GABRG1: variants seen among roughly 807,000 people sequenced by gnomAD.
The protein encoded by GABRG1 is gamma-aminobutyric acid receptor subunit gamma-1.
Under a neutral mutation model 49.8 loss-of-function variants are expected in GABRG1, and 49 were observed. The ratio of observed to expected loss-of-function variants is 0.98; its 90% CI spans 0.78 to 1.25. GABRG1 has a LOEUF of 1.25. Among genes scored for constraint, GABRG1 ranks in the 50% most tolerant of loss-of-function variants. GABRG1 has a pLI of 0.00. For missense variants in GABRG1, 552 were observed against 552.3 expected (o/e 1.00, Z 0.01); for synonymous variants, 232 against 185.1 (o/e 1.25, Z -2.06).
intron 1 of GABRG1, among the ~76,000 whole-genome samples, chr4:46,115,448 A>G (rs1720853817): frequency 6.6e-6 from 1 of 150,788 alleles, no homozygotes; most frequent in Non-Finnish European, 1.5e-5. Context: ...GCATTAGGGA[A>G]AATCATTTTT....
rs563253797 is a variant in GABRG1, at chr4:46,037,536, T to C, written c.*3452A>G. 5 of 151,842 alleles carry C rather than the reference T, an allele frequency of 3.3e-5. No homozygotes were observed. Among genetic ancestry groups the C allele is most frequent in the African/African-American group, 1.2e-4 (5 of 41,510 alleles). The allele number at this position is 151,842 out of a possible 1,614,324, so 9.4% of individuals were successfully genotyped here. On this transcript the variant is annotated 3_prime_UTR_variant, in exon 9 of 9. Coordinates refer to ENST00000295452, the MANE Select transcript of GABRG1 (RefSeq NM_173536.4). ...GTAGGTCAGAAATAAATGTTTCTAGTGAGACAAGCAGTAAAGGCTTAAGAG... is the reference window on the plus strand; with the variant it reads ...GTAGGTCAGAAATAAATGTTTCTAGCGAGACAAGCAGTAAAGGCTTAAGAG...
chr4:46,079,978 A>G (rs1719505238), intron 3 of GABRG1, among the ~76,000 whole-genome samples: 2 of 151,892 alleles, frequency 1.3e-5, no homozygotes, highest in Admixed American at 6.6e-5. Flanking sequence ...TAATCAAACC[A>G]TATATAAAAT....
chr4:46,119,095 TTGTG>T (rs34956057), intron 1 of GABRG1, among the ~76,000 whole-genome samples: 167 of 148,584 alleles, frequency 1.1e-3, no homozygotes, highest in African/African-American at 3.8e-3. Flanking sequence ...TAAGTTACAG[TTGTG>T]TGTGTGTGTG....
At chr4:46,114,764 T>C (rs1251463379) in intron 1 of GABRG1, among the ~76,000 whole-genome samples, 1 of 150,946 alleles carries the variant, frequency 6.6e-6, no homozygotes, top group Middle Eastern at 3.2e-3. Flanking sequence ...AAAATTATGG[T>C]AGATAACCTA....
chr4:46,076,418 T>C (rs1220219343), intron 3 of GABRG1, among the ~76,000 whole-genome samples: 1 of 143,058 alleles, frequency 7.0e-6, no homozygotes, highest in Non-Finnish European at 1.5e-5. Context: ...AAATTACTTT[T>C]TCTTAGATAT....
At chr4:46,117,706 A>C (rs1243346828) in intron 1 of GABRG1, among the ~76,000 whole-genome samples, 1 of 144,992 alleles carries the variant, frequency 6.9e-6, no homozygotes, top group Non-Finnish European at 1.5e-5. Flanking sequence ...CTGTATATAT[A>C]CATACATGTA....
At chr4:46,043,256 A>T (rs980897979) in intron 8 of GABRG1, among the ~76,000 whole-genome samples, 3 of 151,956 alleles carry the variant, frequency 2.0e-5, no homozygotes, top group African/African-American at 7.2e-5. Flanking sequence ...CACTAAAATG[A>T]ACAAAAACTG....
intron 3 of GABRG1, among the ~76,000 whole-genome samples, chr4:46,076,092 T>C (rs1391721098): frequency 1.3e-5 from 2 of 151,768 alleles, no homozygotes; most frequent in Non-Finnish European, 2.9e-5. Flanking sequence ...TTGTACCCCA[T>C]ACAATCCTAT....
intron 3 of GABRG1, among the ~76,000 whole-genome samples, chr4:46,072,578 C>T (rs1396617294): frequency 6.6e-6 from 1 of 152,060 alleles, no homozygotes; most frequent in Non-Finnish European, 1.5e-5. Context: ...CTTGGTCTCT[C>T]TGAAGTTTGC....
intron 3 of GABRG1, among the ~76,000 whole-genome samples, chr4:46,080,268 C>T (rs1267943596): frequency 6.6e-6 from 1 of 151,764 alleles, no homozygotes; most frequent in African/African-American, 2.4e-5. Flanking sequence ...GGGTGGCACC[C>T]TCTTGCTTAA....
At chr4:46,088,815 T>TCTG (rs35197192) in intron 2 of GABRG1, among the ~76,000 whole-genome samples, 1 of 131,620 alleles carries the variant, frequency 7.6e-6, no homozygotes, top group African/African-American at 2.9e-5. Flanking sequence ...TTGTGTGTGT[T>TCTG]TGTGTGTGTG....
intron 3 of GABRG1, among the ~76,000 whole-genome samples, chr4:46,075,329 T>A (rs978658344): frequency 2.6e-5 from 4 of 152,078 alleles, no homozygotes; most frequent in African/African-American, 9.7e-5. Flanking sequence ...ACTTTTTTAC[T>A]TTGAACATTT....
rs1262379166 is a variant in GABRG1, at chr4:46,036,783, T to A, written c.*4205A>T. On this transcript the variant is annotated 3_prime_UTR_variant, in exon 9 of 9. Coordinates refer to ENST00000295452, the MANE Select transcript of GABRG1 (RefSeq NM_173536.4). Reference sequence around the variant, plus strand: ...CATCACACACAAATAAGATGAAACTTCTGCAGAAATTTTAATAATGTATCT... The same window carrying A: ...CATCACACACAAATAAGATGAAACTACTGCAGAAATTTTAATAATGTATCT... 6.6e-6 allele frequency: 1 copy of A among 151,996 alleles called. No individual in the cohort carries two copies. Among genetic ancestry groups the A allele is most frequent in the Non-Finnish European group, 1.5e-5 (1 of 67,932 alleles). The allele number at this position is 151,996 out of a possible 1,614,324, so 9.4% of individuals were successfully genotyped here.
At chr4:46,111,688 A>C (rs2109441310) in intron 1 of GABRG1, among the ~76,000 whole-genome samples, 2 of 151,538 alleles carry the variant, frequency 1.3e-5, no homozygotes, top group East Asian at 3.9e-4. Context: ...ATAAAACTGC[A>C]CACCTACAGA....
chr4:46,082,123 C>T (rs966832003), intron 3 of GABRG1, among the ~76,000 whole-genome samples: 17 of 151,834 alleles, frequency 1.1e-4, no homozygotes, highest in African/African-American at 1.4e-4. Flanking sequence ...GGATTATTAG[C>T]GTTTGGAACT....
chr4:46,061,566 T>C (rs1265753245), intron 5 of GABRG1, among the ~76,000 whole-genome samples: 1 of 152,058 alleles, frequency 6.6e-6, no homozygotes. Context: ...TCTAGAAAAA[T>C]ACTTTTATAA....
chr4:46,071,867 GATA>G (rs1185756149), intron 3 of GABRG1, among the ~76,000 whole-genome samples: 10 of 151,946 alleles, frequency 6.6e-5, no homozygotes, highest in African/African-American at 1.7e-4. Context: ...TCAGTAAGCT[GATA>G]ATAATTTGTT....
chr4:46,118,242 A>AGATC (rs1299845701), intron 1 of GABRG1, among the ~76,000 whole-genome samples: 2 of 136,362 alleles, frequency 1.5e-5, no homozygotes, highest in African/African-American at 3.0e-5. Context: ...TATTACATAT[A>AGATC]GATCTATCTA....
At chr4:46,091,376 T>C (rs1374771243) in intron 2 of GABRG1, among the ~76,000 whole-genome samples, 2 of 152,082 alleles carry the variant, frequency 1.3e-5, no homozygotes, top group Admixed American at 1.3e-4. Flanking sequence ...CCTACTCGCA[T>C]TCAACACAAA....
Sources: allele counts gnomAD v4.1 joint callset (sites outside exome capture counted in the v4.1 genomes callset), GRCh38; gene constraint gnomAD v4.1.1; transcripts MANE v1.5; gene names NCBI Gene and HGNC (gene_info 2026-07-23, HGNC 2026-07-21).